CCBE1: variants seen among roughly 807,000 people sequenced by gnomAD.
The protein encoded by CCBE1 is collagen and calcium-binding EGF domain-containing protein 1.
A neutral mutation model predicts 50.0 loss-of-function variants in CCBE1; 37 were observed. The observed-to-expected ratio is 0.74, with a 90% CI of 0.57 to 0.97. The LOEUF (loss-of-function observed/expected upper bound fraction) is 0.97, where lower values mean the gene tolerates loss of function less well. Ranked by LOEUF, CCBE1 falls within the 50% of genes least tolerant of loss-of-function variation. The pLI is 0.00. For synonymous variants in CCBE1, 234 were observed against 203.7 expected, an observed-to-expected ratio of 1.15 and a Z score of -1.27; for missense variants, 538 against 523.8, an observed-to-expected ratio of 1.03 and a Z score of -0.26.
At chr18:59,566,161 A>T (rs1400937071) in intron 2 of CCBE1, among the ~76,000 whole-genome samples, 1 of 152,210 alleles carries the variant, frequency 6.6e-6, no homozygotes, top group Non-Finnish European at 1.5e-5. Context: ...TCAGGAAATC[A>T]ATCAGATGCA....
intron 2 of CCBE1, among the ~76,000 whole-genome samples, chr18:59,520,125 C>G (rs1418706905): frequency 6.6e-6 from 1 of 152,068 alleles, no homozygotes; most frequent in African/African-American, 2.4e-5. Flanking sequence ...CAGCTTTGTT[C>G]TTTTTGCTTA....
At chr18:59,469,049 A>G (rs1465690235) in intron 4 of CCBE1, among the ~76,000 whole-genome samples, 1 of 152,206 alleles carries the variant, frequency 6.6e-6, no homozygotes, top group Non-Finnish European at 1.5e-5. Context: ...GCTGCAGCCC[A>G]GGTGGCTGGC....
chr18:59,460,376 T>C (rs1911402828), intron 5 of CCBE1, among the ~76,000 whole-genome samples: 1 of 152,202 alleles, frequency 6.6e-6, no homozygotes, highest in Non-Finnish European at 1.5e-5. Flanking sequence ...TCAGATCACA[T>C]GTGGTTATAC....
chr18:59,697,285 G>C lies in CCBE1; in HGVS notation c.58C>G (p.Leu20Val). The change falls in exon 1 of 11, where the codon CTG becomes GTG. Residue 20 changes from leucine to valine, a missense_variant. Leu to Val is a conservative substitution (Grantham distance 32). Transcript: ENST00000439986. ...GCCAGGAGCAGCAGCAGCGGACCCA[G>C]GCTCCTGCCCAGCTGGCCCCTGGCA... The part of the protein sequence containing the change: ...GAARGQLGRS[L>V]GPLLLLLALG... 6.5e-7 allele frequency: 1 copy of C among 1,549,228 alleles called. No homozygotes were observed. The highest frequency in any genetic ancestry group is 8.7e-7 in the Non-Finnish European group (1 of 1,146,796).
chr18:59,557,954 G>A (rs1482578283), intron 2 of CCBE1, among the ~76,000 whole-genome samples: 2 of 152,194 alleles, frequency 1.3e-5, no homozygotes, highest in African/African-American at 2.4e-5. Flanking sequence ...TGATGACCAT[G>A]TCACTATCAT....
chr18:59,515,279 G>A (rs1285323499), intron 2 of CCBE1, among the ~76,000 whole-genome samples: 5 of 152,218 alleles, frequency 3.3e-5, no homozygotes, highest in Non-Finnish European at 7.3e-5. Flanking sequence ...TTTATTTGAA[G>A]AGCAATTGTT....
chr18:59,692,096 A>G (rs2054740633), intron 2 of CCBE1, among the ~76,000 whole-genome samples: 1 of 152,196 alleles, frequency 6.6e-6, no homozygotes, highest in African/African-American at 2.4e-5. Flanking sequence ...TCTGCAAACG[A>G]GTGATGTTTC....
chr18:59,477,086 C>T (rs1165355764), intron 3 of CCBE1, among the ~76,000 whole-genome samples: 2 of 152,204 alleles, frequency 1.3e-5, no homozygotes, highest in African/African-American at 4.8e-5. Flanking sequence ...AAGGTGCCAC[C>T]TGGCTACTTT....
At chr18:59,476,859 A>G (rs962223453) in intron 3 of CCBE1, among the ~76,000 whole-genome samples, 1 of 152,190 alleles carries the variant, frequency 6.6e-6, no homozygotes, top group Non-Finnish European at 1.5e-5. Context: ...TATCCAACAT[A>G]TGGTATGGTT....
chr18:59,651,993 T>C (rs1298663776), intron 2 of CCBE1, among the ~76,000 whole-genome samples: 1 of 152,252 alleles, frequency 6.6e-6, no homozygotes, highest in African/African-American at 2.4e-5. Flanking sequence ...CTGTATGTTT[T>C]TAATCTTTAA....
intron 2 of CCBE1, among the ~76,000 whole-genome samples, chr18:59,549,429 T>TC (rs1365769764): frequency 6.6e-6 from 1 of 152,088 alleles, no homozygotes; most frequent in Non-Finnish European, 1.5e-5. Flanking sequence ...TAAAAACAGG[T>TC]CCCCCAACGC....
intron 2 of CCBE1, among the ~76,000 whole-genome samples, chr18:59,528,407 A>G (rs1304886062): frequency 6.6e-6 from 1 of 152,200 alleles, no homozygotes; most frequent in Non-Finnish European, 1.5e-5. Context: ...ATTGGGTTAG[A>G]AGATGCTCCT....
intron 2 of CCBE1, among the ~76,000 whole-genome samples, chr18:59,557,662 G>A (rs957725918): frequency 5.3e-5 from 8 of 152,106 alleles, no homozygotes; most frequent in African/African-American, 1.9e-4. Context: ...TCATTTATAT[G>A]GGGTATAACC....
At chr18:59,524,755 C>CTGGG (rs10625010) in intron 2 of CCBE1, among the ~76,000 whole-genome samples, 52,019 of 151,690 alleles carry the variant, frequency 0.34, 9,091 homozygotes, top group African/African-American at 0.38. Flanking sequence ...CTCTCCCACA[C>CTGGG]CCCTCGATAG....
At chr18:59,674,003 T>C (rs2054466812) in intron 2 of CCBE1, among the ~76,000 whole-genome samples, 3 of 152,194 alleles carry the variant, frequency 2.0e-5, no homozygotes, top group Admixed American at 2.0e-4. Flanking sequence ...TTTGGAACAG[T>C]TTCAGAAGGA....
intron 2 of CCBE1, among the ~76,000 whole-genome samples, chr18:59,603,547 C>CA: frequency 6.6e-6 from 1 of 152,246 alleles, no homozygotes; most frequent in East Asian, 1.9e-4. Context: ...GGGTCATTTT[C>CA]AAGGTTTTGC....
At chr18:59,684,341 C>T (rs1482029664) in intron 2 of CCBE1, among the ~76,000 whole-genome samples, 2 of 152,116 alleles carry the variant, frequency 1.3e-5, no homozygotes, top group African/African-American at 4.8e-5. Context: ...GCCAGCTACT[C>T]AGAAGGCTGA....
chr18:59,676,993 CA>C (rs1399199345), intron 2 of CCBE1, among the ~76,000 whole-genome samples: 1 of 151,852 alleles, frequency 6.6e-6, no homozygotes, highest in African/African-American at 2.4e-5. Context: ...GAGAGGAAGA[CA>C]GGGGCCGGGC....
At chr18:59,463,318 C>T (rs904111691) in intron 5 of CCBE1, among the ~76,000 whole-genome samples, 6 of 152,198 alleles carry the variant, frequency 3.9e-5, no homozygotes, top group Non-Finnish European at 5.9e-5. Flanking sequence ...GCCTAGACCT[C>T]CTGGGTTCAA....
Sources: gnomAD v4.1 joint callset for allele counts (sites outside exome capture counted in the v4.1 genomes callset) on GRCh38, gnomAD v4.1.1 for gene constraint, MANE v1.5 for transcripts, NCBI Gene and HGNC (gene_info 2026-07-23, HGNC 2026-07-21) for gene names.